Variants in IPO5 observed in about 807,000 individuals in gnomAD.
IPO5 encodes importin 5.
IPO5 carries 18 observed loss-of-function variants against 143.3 expected under a neutral mutation model. That is an observed-to-expected ratio of 0.13 (90% CI 0.09 to 0.19). The LOEUF is 0.19. IPO5 is among the 10% of genes least tolerant of loss of function. The pLI, the probability that IPO5 is intolerant of heterozygous loss-of-function variation, is 1.00. For missense variants in IPO5, 1,013 were observed against 1,336.9 expected, an observed-to-expected ratio of 0.76 and a Z score of 3.78; for synonymous variants, 477 against 465.7, an observed-to-expected ratio of 1.02 and a Z score of -0.31.
intron 2 of IPO5, among the ~76,000 whole-genome samples, chr13:97,966,620 C>T (rs765305902): frequency 5.3e-5 from 8 of 152,054 alleles, no homozygotes; most frequent in East Asian, 1.9e-4. Context: ...TGATTCATTA[C>T]GTGTTCACTC....
intron 17 of IPO5, chr13:98,007,285 G>A (rs1305563301): frequency 6.6e-6 from 1 of 152,114 alleles, no homozygotes; most frequent in Non-Finnish European, 1.5e-5. Flanking sequence ...TTAAATATGT[G>A]CTTGGAAACA....
At chr13:97,964,562 C>G (rs1008756842) in intron 2 of IPO5, among the ~76,000 whole-genome samples, 7 of 150,992 alleles carry the variant, frequency 4.6e-5, no homozygotes, top group African/African-American at 1.7e-4. Context: ...ATTCTCCTGC[C>G]GAGTAGCTGG....
chr13:97,959,941 A>G (rs904660466), intron 2 of IPO5, among the ~76,000 whole-genome samples: 1 of 152,200 alleles, frequency 6.6e-6, no homozygotes, highest in Non-Finnish European at 1.5e-5. Flanking sequence ...ACAGCCTAGC[A>G]GCACCTCCCA....
chr13:97,990,391 C>A, intron 8 of IPO5, 42 bp from the exon 9 acceptor site: 1 of 1,439,140 alleles, frequency 6.9e-7, no homozygotes, highest in South Asian at 1.2e-5. Context: ...TTGCGTTTAT[C>A]AAAAATTTCT....
intron 4 of IPO5, among the ~76,000 whole-genome samples, chr13:97,979,624 T>C (rs1178657919): frequency 6.6e-6 from 1 of 152,240 alleles, no homozygotes; most frequent in Non-Finnish European, 1.5e-5. Context: ...TTATTAATCA[T>C]ATGCATGGAT....
chr13:98,005,991 TAC>T, intron 16 of IPO5, 137 bp from the exon 17 acceptor site: 1 of 634,570 alleles, frequency 1.6e-6, no homozygotes, highest in Non-Finnish European at 2.8e-6. Context: ...CTCCAAAACC[TAC>T]AGTCTCTGCT....
At chr13:97,981,303 A>C (rs2139633770) in intron 4 of IPO5, 1 of 454,472 alleles carries the variant, frequency 2.2e-6, no homozygotes, top group South Asian at 1.6e-5. Context: ...TGGTTGTTTA[A>C]TGAAGTGAAA....
At position 98,022,540 on chromosome 13, in the gene IPO5, T is replaced by C. The variant is rs1353434527; in HGVS notation, c.*718T>C. ...GCTTGGATTCATTTCATGTTTTTAA[T>C]ATAAGAATGATCTAATATTTTTTTA... On this transcript the variant is annotated 3_prime_UTR_variant, in exon 29 of 29. Transcript: ENST00000651721. The C allele has an allele frequency of 6.6e-6, 1 of 152,480 alleles. No individual in the cohort carries two copies. Among genetic ancestry groups the C allele is most frequent in the East Asian group, 1.9e-4 (1 of 5,202 alleles). The allele number at this position is 152,480 out of a possible 1,614,324, so 9.4% of individuals were successfully genotyped here. A position where few individuals can be genotyped will look rare whatever the true frequency, so the allele number is the denominator to read the frequency against.
intron 20 of IPO5, among the ~76,000 whole-genome samples, chr13:98,010,430 G>A (rs1020819588): frequency 7.2e-5 from 11 of 152,078 alleles, no homozygotes; most frequent in African/African-American, 2.7e-4. Flanking sequence ...ACAACAAATA[G>A]CCCAAATTCC....
At chr13:97,977,053 TCCAGGTGTGGGGTGCCGGGCGGGCCCGG>T (rs1336655748) in intron 4 of IPO5, 2 of 194,966 alleles carry the variant, frequency 1.0e-5, no homozygotes, top group Non-Finnish European at 2.2e-5. Context: ...CGCGCCCCCG[TCCAGGTGTGGGGTGCCGGGCGGGCCCGG>T]GGCCCCAACT....
At position 98,003,038 on chromosome 13, in the gene IPO5, G is replaced by T; in HGVS notation, c.1497+1G>T. ...CATTATGGTACTGAAGCTTCAAGAG[G>T]TAAGTTTTAAGATCTGTAGGCTGCT... On this transcript the variant is annotated splice_donor_variant, in intron 16 of 28. Coordinates refer to ENST00000651721, the MANE Select transcript of IPO5 (RefSeq NM_002271.6). LOFTEE classifies it high-confidence loss of function. 1 of 1,603,132 alleles carries T rather than the reference G, an allele frequency of 6.2e-7. No individual in the cohort carries two copies. The highest frequency in any genetic ancestry group is 8.5e-7 in the Non-Finnish European group (1 of 1,175,314).
At chr13:98,000,453 A>T (rs1486874964) in intron 12 of IPO5, 86 bp from the exon 13 acceptor site, 2 of 847,594 alleles carry the variant, frequency 2.4e-6, no homozygotes, top group African/African-American at 1.7e-5. Flanking sequence ...GTTTAATAAT[A>T]ATATGGTTAG....
At chr13:97,967,788 C>A (rs1317940191) in intron 2 of IPO5, among the ~76,000 whole-genome samples, 1 of 152,018 alleles carries the variant, frequency 6.6e-6, no homozygotes, top group Non-Finnish European at 1.5e-5. Flanking sequence ...CCCACCACCA[C>A]GCCCGGCTAA....
chr13:98,004,691 G>A (rs1350598249), intron 16 of IPO5, among the ~76,000 whole-genome samples: 1 of 152,098 alleles, frequency 6.6e-6, no homozygotes, highest in Non-Finnish European at 1.5e-5. Context: ...GGGGCCAGCA[G>A]CACAGTCCAC....
rs1446347664 is a variant in IPO5 at position 97,966,644 on chromosome 13, T to C, written c.-112-3079T>C. Among the ~76,000 whole-genome samples the C allele has an allele frequency of 2.6e-5, 4 of 152,354 alleles. No homozygotes were observed. The East Asian group carries it at 7.7e-4, about 29-fold the overall frequency. On this transcript the variant is annotated intron_variant, in intron 2 of 28. Transcript: ENST00000651721. Reference sequence around the variant, plus strand: ...ACGTGTTCACTCTGCTTCTATTTTCTGACAAAGTTTGAGTAGGAATGGTGT... The same window carrying C: ...ACGTGTTCACTCTGCTTCTATTTTCCGACAAAGTTTGAGTAGGAATGGTGT...
rs776737824 is a variant in IPO5 at position 98,000,542 on chromosome 13, T to C, written c.1005T>C (p.Asn335=). Residue 335 remains asparagine (N), a synonymous_variant, in exon 13 of 29, where the codon AAT becomes AAC. Transcript: ENST00000651721. ...ATAATTCTGTTTATGTGTTTAGCAA[T>C]GCAGTTGCAGGCGAGAGTGCTCTAG... ...DELEDDDFDS[N]AVAGESALDR... is the part of the protein sequence containing the mutation. 3 of 1,609,638 alleles carry C rather than the reference T, an allele frequency of 1.9e-6. No homozygotes were observed. The highest frequency in any genetic ancestry group is 2.6e-6 in the Non-Finnish European group (3 of 1,175,948).
At chr13:97,973,384 A>T (rs1009847520) in intron 3 of IPO5, among the ~76,000 whole-genome samples, 1 of 152,146 alleles carries the variant, frequency 6.6e-6, no homozygotes, top group Non-Finnish European at 1.5e-5. Context: ...CTTATAAACA[A>T]TAAGGACACT....
At chr13:97,997,025 A>G (rs988423043) in intron 11 of IPO5, among the ~76,000 whole-genome samples, 1 of 152,222 alleles carries the variant, frequency 6.6e-6, no homozygotes, top group Non-Finnish European at 1.5e-5. Context: ...GAAACAACCA[A>G]AATGTTTATC....
At chr13:98,012,767 C>G (rs376310570) in intron 21 of IPO5, among the ~76,000 whole-genome samples, 2 of 150,778 alleles carry the variant, frequency 1.3e-5, no homozygotes, top group Non-Finnish European at 2.9e-5. Flanking sequence ...GTAGCTGGGA[C>G]CCAGGTGCAC....
Sources: gnomAD v4.1 joint callset for allele counts (sites outside exome capture counted in the v4.1 genomes callset) on GRCh38, gnomAD v4.1.1 for gene constraint, MANE v1.5 for transcripts, NCBI Gene and HGNC (gene_info 2026-07-23, HGNC 2026-07-21) for gene names.